TENM3: variants seen among roughly 807,000 people sequenced by gnomAD.
TENM3 encodes the protein teneurin transmembrane protein 3, also known as teneurin-3.
Under a neutral mutation model 255.1 loss-of-function variants are expected in TENM3, and 63 were observed. The observed-to-expected ratio is 0.25, with a 90% confidence interval of 0.20 to 0.30. TENM3 has a LOEUF of 0.30. Ranked by LOEUF, TENM3 falls within the 10% of genes least tolerant of loss-of-function variation. The pLI, the probability that TENM3 is intolerant of heterozygous loss-of-function variation, is 1.00. For synonymous variants in TENM3, 1,306 were observed against 1,322.3 expected (o/e 0.99, Z 0.27); for missense variants, 2,929 against 3,461.1 (o/e 0.85, Z 3.86).
At chr4:182,653,964 T>C (rs938544792) in intron 6 of TENM3, 71 bp downstream of exon 6, 2 of 1,448,008 alleles carry the variant, frequency 1.4e-6, no homozygotes, top group African/African-American at 2.8e-5. Flanking sequence ...TTTTTACCCA[T>C]GCTTACATCT....
At chr4:182,126,966 G>T in the TENM3 span, among the ~76,000 whole-genome samples, 1 of 152,274 alleles carries the variant, frequency 6.6e-6, no homozygotes, top group Non-Finnish European at 1.5e-5. Flanking sequence ...CCTTTGCAAA[G>T]TGTGGCCTTC....
the TENM3 span, among the ~76,000 whole-genome samples, chr4:181,880,159 G>A: frequency 6.6e-6 from 1 of 152,084 alleles, no homozygotes; most frequent in Non-Finnish European, 1.5e-5. Flanking sequence ...ACCAGCCAAA[G>A]GCACCTTCCT....
chr4:182,215,769 T>C (rs1755421631), intron 1 of TENM3, among the ~76,000 whole-genome samples: 1 of 152,334 alleles, frequency 6.6e-6, no homozygotes, highest in Admixed American at 6.5e-5. Flanking sequence ...AACCTTTGAC[T>C]GCACAGGACA....
chr4:181,812,393 T>C, the TENM3 span, among the ~76,000 whole-genome samples: 1 of 152,152 alleles, frequency 6.6e-6, no homozygotes, highest in African/African-American at 2.4e-5. Context: ...TAGAAAAAAA[T>C]TGGCTGATAA....
the TENM3 span, among the ~76,000 whole-genome samples, chr4:181,495,010 A>G: frequency 6.6e-6 from 1 of 152,128 alleles, no homozygotes; most frequent in Non-Finnish European, 1.5e-5. Context: ...TACTATACCC[A>G]TATTTATCCA....
intron 1 of TENM3, among the ~76,000 whole-genome samples, chr4:182,280,652 C>T (rs1200761079): frequency 2.6e-5 from 4 of 152,142 alleles, no homozygotes; most frequent in African/African-American, 4.8e-5. Context: ...TGAGTTGGCG[C>T]GGTACGGAAA....
chr4:182,793,094 T>C lies in TENM3; in HGVS notation c.6422T>C (p.Val2141Ala). 6.2e-7 allele frequency: 1 copy of C among 1,613,874 alleles called. No individual in the cohort carries two copies. Among genetic ancestry groups the C allele is most frequent in the Non-Finnish European group, 8.5e-7 (1 of 1,179,856 alleles). The change falls in exon 26 of 28, where the codon GTT becomes GCT. Residue 2141 changes from valine to alanine, a missense_variant. By Grantham distance (64) the Val-to-Ala change is moderately conservative. Around this residue, in one of 6 missense-constraint regions of TENM3, gnomAD observed 256 missense variants for 389.3 expected, o/e 0.66. Coordinates refer to ENST00000511685, the MANE Select transcript of TENM3 (RefSeq NM_001080477.4). The surrounding 1 kb of genome is among the most constrained non-coding windows in gnomAD (Gnocchi z 5.7). ...GATGTTGATGGACAGCTCCAAACAG[T>C]TTACCTCAATGAAAAGATAATGTGG... ...EYDVDGQLQT[V>A]YLNEKIMWRY... is the part of the protein sequence containing the mutation.
At chr4:181,467,876 A>T in the TENM3 span, among the ~76,000 whole-genome samples, 7 of 152,206 alleles carry the variant, frequency 4.6e-5, no homozygotes, top group African/African-American at 1.7e-4. Context: ...CATTACTTTC[A>T]TCTGGATTGA....
the TENM3 span, among the ~76,000 whole-genome samples, chr4:181,617,070 G>A: frequency 1.2e-4 from 18 of 152,006 alleles, no homozygotes; most frequent in African/African-American, 3.6e-4. Context: ...TTGCTACTGC[G>A]GCACCCACTA....
the TENM3 span, among the ~76,000 whole-genome samples, chr4:181,634,495 A>G: frequency 6.6e-6 from 1 of 151,764 alleles, no homozygotes; most frequent in Admixed American, 6.6e-5. Flanking sequence ...GCAAATGCAA[A>G]CCATATGTTA....
chr4:182,774,669 G>GA (rs1197103240), intron 23 of TENM3, among the ~76,000 whole-genome samples: 1 of 152,116 alleles, frequency 6.6e-6, no homozygotes. Flanking sequence ...AGGCAAATGA[G>GA]AAAAAGAAGT....
At chr4:181,578,219 G>A in the TENM3 span, among the ~76,000 whole-genome samples, 2 of 118,420 alleles carry the variant, frequency 1.7e-5, no homozygotes, top group African/African-American at 3.5e-5. Flanking sequence ...CTGTGGGGAA[G>A]ATGTCTTTCC....
the TENM3 span, among the ~76,000 whole-genome samples, chr4:181,712,960 T>C: frequency 1.3e-5 from 2 of 152,176 alleles, no homozygotes; most frequent in Admixed American, 6.5e-5. Flanking sequence ...AGTACCATCA[T>C]AGGGGAAGCA....
intron 3 of TENM3, 78 bp downstream of exon 3, chr4:182,347,007 T>TCTG: frequency 9.3e-7 from 1 of 1,079,884 alleles, no homozygotes; most frequent in African/African-American, 1.6e-5. Flanking sequence ...GGGGGGGATG[T>TCTG]TTTTCTTTCT....
At chr4:182,037,629 TTA>T in the TENM3 span, among the ~76,000 whole-genome samples, 8,102 of 152,246 alleles carry the variant, frequency 0.053, 264 homozygotes, top group Non-Finnish European at 0.065. Flanking sequence ...TTTCTTTGAA[TTA>T]TGTTATTTGT....
chr4:181,710,261 T>C, the TENM3 span, among the ~76,000 whole-genome samples: 3 of 152,000 alleles, frequency 2.0e-5, no homozygotes, highest in Non-Finnish European at 2.9e-5. Context: ...GAGGAGTCAA[T>C]ACACAGGAAG....
intron 22 of TENM3, among the ~76,000 whole-genome samples, chr4:182,759,477 C>G (rs1156910891): frequency 6.6e-6 from 1 of 152,148 alleles, no homozygotes; most frequent in African/African-American, 2.4e-5. Context: ...GTTAACGTTG[C>G]CCATTTTTGT....
At chr4:181,934,292 T>C in the TENM3 span, among the ~76,000 whole-genome samples, 3 of 152,206 alleles carry the variant, frequency 2.0e-5, no homozygotes, top group Admixed American at 2.0e-4. Context: ...TTCCATGGCT[T>C]TTTAAAAGGC....
At chr4:181,849,738 ATC>A in the TENM3 span, among the ~76,000 whole-genome samples, 1 of 152,138 alleles carries the variant, frequency 6.6e-6, no homozygotes, top group Non-Finnish European at 1.5e-5. Flanking sequence ...TTTCTAAATT[ATC>A]TTAGAAGATT....
Sources: allele counts gnomAD v4.1 joint callset (sites outside exome capture counted in the v4.1 genomes callset), GRCh38; gene constraint gnomAD v4.1.1; regional missense constraint gnomAD v4.1.1; non-coding constraint Gnocchi (gnomAD v3.1); transcripts MANE v1.5; gene names NCBI Gene and HGNC (gene_info 2026-07-23, HGNC 2026-07-21).